MYOCD: variants seen among roughly 807,000 people sequenced by gnomAD.
MYOCD encodes myocardin.
MYOCD carries 32 observed loss-of-function variants against 96.1 expected under a neutral mutation model. That is an observed-to-expected ratio of 0.33 (90% CI 0.25 to 0.45). The LOEUF (loss-of-function observed/expected upper bound fraction) is 0.45, where lower values mean the gene tolerates loss of function less well. MYOCD is among the 20% of genes least tolerant of loss of function. The pLI, the probability that MYOCD is intolerant of heterozygous loss-of-function variation, is 1.00. For synonymous variants in MYOCD, 469 were observed against 469.0 expected (o/e 1.00, Z 0.00); for missense variants, 1,133 against 1,200.6 (o/e 0.94, Z 0.83).
At position 12,707,136 on chromosome 17, in the gene MYOCD, A is replaced by G. The variant is rs187598900; in HGVS notation, c.121+1943A>G. Among the ~76,000 whole-genome samples the G allele has an allele frequency of 3.3e-5, 5 of 152,332 alleles. No individual in the cohort carries two copies. In the East Asian group the frequency reaches 9.6e-4, roughly 29 times the overall value. On this transcript the variant is annotated intron_variant, in intron 2 of 13. Transcript: ENST00000425538. ...TCACCTGCTGATGGTTAGCCTCTTC[A>G]GTCCAATCAGAGATTAAACATGCAA...
intron 1 of MYOCD, among the ~76,000 whole-genome samples, chr17:12,691,183 G>A (rs1001148874): frequency 6.6e-6 from 1 of 152,022 alleles, no homozygotes; most frequent in South Asian, 2.1e-4. Context: ...CTACTCTATC[G>A]TGACTCAGTA....
intron 5 of MYOCD, among the ~76,000 whole-genome samples, chr17:12,731,825 A>G (rs1190024644): frequency 2.6e-5 from 4 of 152,188 alleles, no homozygotes; most frequent in Non-Finnish European, 1.5e-5. Flanking sequence ...AGCCACTGCT[A>G]TGTACTTACA....
At position 12,766,971 on chromosome 17, in the gene MYOCD, GGAGGGAGGAAGAA is replaced by G. The variant is rs1201347655; in HGVS notation, c.*3336_*3348del. The G allele has an allele frequency of 1.3e-5, 2 of 151,698 alleles. No homozygotes were observed. Among genetic ancestry groups the G allele is most frequent in the African/African-American group, 4.9e-5 (2 of 41,208 alleles). 9.4% of individuals were successfully genotyped at this position (151,698 alleles called of 1,614,324 possible). On this transcript the variant is annotated 3_prime_UTR_variant, in exon 14 of 14. Coordinates refer to ENST00000425538, the MANE Select transcript of MYOCD (RefSeq NM_001146312.3). ...GAGAAAGAGGGAGGAAGAGAGGGAG[GGAGGGAGGAAGAA>G]GAGGGAGGGAGCGAGGAAGGAAGAT...
intron 1 of MYOCD, among the ~76,000 whole-genome samples, chr17:12,692,709 C>T (rs1249748347): frequency 6.6e-6 from 1 of 152,124 alleles, no homozygotes; most frequent in Admixed American, 6.5e-5. Context: ...TCCTCTTCAA[C>T]CTGAAACTCT....
chr17:12,717,207 T>G, intron 3 of MYOCD, 139 bp from the exon 4 acceptor site: 2 of 636,746 alleles, frequency 3.1e-6, no homozygotes, highest in Non-Finnish European at 5.4e-6. Flanking sequence ...TCTTTGGAAA[T>G]GTTCCTTCAT....
intron 5 of MYOCD, among the ~76,000 whole-genome samples, chr17:12,734,301 C>T (rs1384099965): frequency 2.6e-5 from 4 of 151,948 alleles, no homozygotes; most frequent in Non-Finnish European, 5.9e-5. Flanking sequence ...TCCTGCTGGG[C>T]AGAGAAGACT....
At chr17:12,732,620 T>C (rs1246018453) in intron 5 of MYOCD, among the ~76,000 whole-genome samples, 1 of 152,202 alleles carries the variant, frequency 6.6e-6, no homozygotes. Context: ...CCTCAGCTTG[T>C]CTCTGCTCCT....
intron 9 of MYOCD, among the ~76,000 whole-genome samples, chr17:12,748,429 C>T (rs147815920): frequency 3.0e-4 from 45 of 152,102 alleles, no homozygotes; most frequent in Middle Eastern, 3.4e-3. Flanking sequence ...ATAGAAGAAA[C>T]AAGATTGGGC....
At chr17:12,701,367 G>A (rs559071391) in intron 1 of MYOCD, among the ~76,000 whole-genome samples, 1 of 152,130 alleles carries the variant, frequency 6.6e-6, no homozygotes, top group Non-Finnish European at 1.5e-5. Context: ...AGCCGAGATC[G>A]TGCCACTGCA....
chr17:12,736,629 A>C (rs1160136772), intron 6 of MYOCD, among the ~76,000 whole-genome samples: 1 of 152,212 alleles, frequency 6.6e-6, no homozygotes, highest in Non-Finnish European at 1.5e-5. Flanking sequence ...TTTTATGGAC[A>C]AACTAGCTAA....
intron 1 of MYOCD, among the ~76,000 whole-genome samples, chr17:12,696,368 T>A (rs1024331634): frequency 6.6e-6 from 1 of 152,172 alleles, no homozygotes; most frequent in African/African-American, 2.4e-5. Flanking sequence ...AGAATAATGC[T>A]GCTATGAGGG....
chr17:12,685,767 C>T (rs958957065), intron 1 of MYOCD, among the ~76,000 whole-genome samples: 6 of 152,172 alleles, frequency 3.9e-5, no homozygotes, highest in African/African-American at 1.4e-4. Context: ...TTAGTTAACT[C>T]AAGCGTGTGT....
rs140635115 is a variant in MYOCD, at chr17:12,732,460, G to A, written c.416-3701G>A. Among the ~76,000 whole-genome samples the A allele has an allele frequency of 5.3e-5, 8 of 152,208 alleles. No homozygotes were observed. The East Asian group carries it at 9.7e-4, about 18-fold the overall frequency. On this transcript the variant is annotated intron_variant, in intron 5 of 13. Coordinates refer to ENST00000425538, the MANE Select transcript of MYOCD (RefSeq NM_001146312.3). ...TCCGGGAGGCTTCTTGGACAACTTC[G>A]CATCGCTGTCTCCTCTCTGTAACCA... is the stretch of plus-strand genomic sequence containing the variant.
chr17:12,712,459 A>G (rs1472334357), intron 2 of MYOCD, among the ~76,000 whole-genome samples: 4 of 151,886 alleles, frequency 2.6e-5, no homozygotes, highest in Admixed American at 2.0e-4. Context: ...CCCTGCCTTC[A>G]ATGAGTTCTC....
chr17:12,696,826 A>G (rs1045282697), intron 1 of MYOCD, among the ~76,000 whole-genome samples: 3 of 152,170 alleles, frequency 2.0e-5, no homozygotes, highest in African/African-American at 7.2e-5. Context: ...TATCTGTTAG[A>G]CAGTGCACAG....
intron 1 of MYOCD, among the ~76,000 whole-genome samples, chr17:12,670,730 T>C (rs562353664): frequency 6.6e-6 from 1 of 152,352 alleles, no homozygotes; most frequent in Non-Finnish European, 1.5e-5. Context: ...TATTTCAAGT[T>C]GCTTTTAGCC....
intron 9 of MYOCD, among the ~76,000 whole-genome samples, chr17:12,748,650 C>T (rs1178247792): frequency 6.6e-6 from 1 of 152,078 alleles, no homozygotes; most frequent in African/African-American, 2.4e-5. Flanking sequence ...AAATTAAACT[C>T]AACTGTATTC....
At chr17:12,696,231 A>T (rs566654172) in intron 1 of MYOCD, among the ~76,000 whole-genome samples, 22 of 150,962 alleles carry the variant, frequency 1.5e-4, no homozygotes, top group African/African-American at 4.1e-4. Context: ...GCCCGCCTCG[A>T]CCTCCCAAAG....
intron 10 of MYOCD, among the ~76,000 whole-genome samples, chr17:12,754,702 C>G (rs917609449): frequency 4.6e-5 from 7 of 152,178 alleles, no homozygotes; most frequent in African/African-American, 1.7e-4. Flanking sequence ...CTAGGAAAGC[C>G]TATGTAAGTC....
Sources: allele counts gnomAD v4.1 joint callset (sites outside exome capture counted in the v4.1 genomes callset), GRCh38; gene constraint gnomAD v4.1.1; transcripts MANE v1.5; gene names NCBI Gene and HGNC (gene_info 2026-07-23, HGNC 2026-07-21).